The following RAB11FIP3 variants were observed in gnomAD, a reference collection of about 807,000 sequenced individuals.
The protein encoded by RAB11FIP3 is rab11 family-interacting protein 3.
In RAB11FIP3, 17 loss-of-function variants were observed where a neutral mutation model predicts 77.8. The ratio of observed to expected loss-of-function variants is 0.22; its 90% CI spans 0.15 to 0.33. RAB11FIP3 has a LOEUF of 0.33. Ranked by LOEUF, RAB11FIP3 falls within the 10% of genes least tolerant of loss-of-function variation. The pLI, the probability that RAB11FIP3 is intolerant of heterozygous loss-of-function variation, is 1.00. For missense variants in RAB11FIP3, 1,005 were observed against 1,011.2 expected (o/e 0.99, Z 0.08); for synonymous variants, 437 against 448.2 (o/e 0.98, Z 0.31).
At chr16:453,982 CCTGT>C (rs2055454221) in intron 1 of RAB11FIP3, among the ~76,000 whole-genome samples, 1 of 152,176 alleles carries the variant, frequency 6.6e-6, no homozygotes, top group Non-Finnish European at 1.5e-5. Flanking sequence ...ATTCAGCCTA[CCTGT>C]CTTTCTTCCA....
At chr16:499,795 CAA>C (rs11319631) in intron 6 of RAB11FIP3, among the ~76,000 whole-genome samples, 107 of 53,938 alleles carry the variant, frequency 2.0e-3, no homozygotes, top group Middle Eastern at 9.6e-3. Flanking sequence ...AAGACTGTCT[CAA>C]AAAAAAAAAA....
At chr16:466,491 A>G (rs1383498307) in intron 2 of RAB11FIP3, among the ~76,000 whole-genome samples, 2 of 152,154 alleles carry the variant, frequency 1.3e-5, no homozygotes, top group Non-Finnish European at 1.5e-5. Context: ...CTCTCAGCTC[A>G]GGAGTCAGGG....
At chr16:484,837 C>T (rs1303985141) in intron 4 of RAB11FIP3, among the ~76,000 whole-genome samples, 1 of 152,124 alleles carries the variant, frequency 6.6e-6, no homozygotes, top group African/African-American at 2.4e-5. Flanking sequence ...CGGCCCTAAG[C>T]AGGATGGTCA....
In RAB11FIP3 at chr16:521,614, C is replaced by T. The variant is rs1440807393; in HGVS notation, c.*775C>T. 1 of 152,496 alleles carries T rather than the reference C, an allele frequency of 6.6e-6. No individual in the cohort carries two copies. Among genetic ancestry groups the T allele is most frequent in the African/African-American group, 2.4e-5 (1 of 41,472 alleles). 9.4% of individuals were successfully genotyped at this position (152,496 alleles called of 1,614,324 possible). A position where few individuals can be genotyped will look rare whatever the true frequency, so the allele number is the denominator to read the frequency against. ...GCCGGGCAGGAGCCTCTGGGGCCTC[C>T]ACTCCGACATCAGGACCTGAGATGA... is the stretch of plus-strand genomic sequence containing the variant. On this transcript the variant is annotated 3_prime_UTR_variant, in exon 14 of 14. Transcript: ENST00000262305.
Position 426,354 on chromosome 16 carries a change from T to G in RAB11FIP3, c.348T>G (p.Leu116=), listed in dbSNP as rs1334074685. Residue 116 remains leucine (L), a synonymous_variant, in exon 1 of 14, where the codon CTT becomes CTG. Coordinates refer to ENST00000262305, the MANE Select transcript of RAB11FIP3 (RefSeq NM_014700.4). This position sits in a 1 kb window ranked among gnomAD's most constrained non-coding sequence, Gnocchi z 5.0. ...CAGGGCCGCGCTCCGAAGCGCCGCT[T>G]CCAGAACTCGACCCGTTGTTCTCCT... ...PGPGPRSEAP[L]PELDPLFSWT... is the part of the protein sequence containing the mutation. The G allele has an allele frequency of 6.6e-7, 1 of 1,525,212 alleles. No homozygotes were observed. The highest frequency in any genetic ancestry group is 1.2e-5 in the South Asian group (1 of 82,024). 94.5% of individuals were successfully genotyped at this position (1,525,212 alleles called of 1,614,324 possible).
chr16:486,525 G>A (rs2141752923), intron 4 of RAB11FIP3, among the ~76,000 whole-genome samples: 1 of 152,294 alleles, frequency 6.6e-6, no homozygotes, highest in East Asian at 1.9e-4. Context: ...CTCTTTTGGG[G>A]GACACACATT....
At chr16:467,645 G>C (rs562078453) in intron 2 of RAB11FIP3, among the ~76,000 whole-genome samples, 2 of 125,440 alleles carry the variant, frequency 1.6e-5, no homozygotes, top group Non-Finnish European at 3.4e-5. Context: ...CCTCAGGGAG[G>C]AGGTGCTGGG....
In RAB11FIP3 at chr16:510,797, C is replaced by A. The variant is rs2032106611; in HGVS notation, c.1637C>A (p.Thr546Asn). Residue 546 changes from threonine (T) to asparagine (N), a missense_variant, in exon 9 of 14, where the codon ACC becomes AAC. Transcript: ENST00000262305. ...AGCATTGAGATCGAGAACCTGCAGACCAGGTAGGCGGTTCCCAACAGCCCA... is the reference window on the plus strand; with the variant it reads ...AGCATTGAGATCGAGAACCTGCAGAACAGGTAGGCGGTTCCCAACAGCCCA... ...EKSIEIENLQ[T>N]RLQQLDEENS... 3 of 1,612,804 alleles carry A rather than the reference C, an allele frequency of 1.9e-6. No individual in the cohort carries two copies. Among genetic ancestry groups the A allele is most frequent in the Non-Finnish European group, 2.5e-6 (3 of 1,179,654 alleles).
chr16:510,855 C>T (rs962246295), intron 9 of RAB11FIP3, 55 bp downstream of exon 9: 119 of 1,519,206 alleles, frequency 7.8e-5, no homozygotes, highest in African/African-American at 7.4e-4. Flanking sequence ...AGGTAGGAGA[C>T]GGTCCCCAAC....
chr16:441,172 C>T (rs768467369), intron 1 of RAB11FIP3, among the ~76,000 whole-genome samples: 17 of 152,132 alleles, frequency 1.1e-4, no homozygotes, highest in Non-Finnish European at 2.5e-4. Context: ...GAACTTCTTA[C>T]CTCAGGTGAT....
chr16:441,905 G>C (rs1351083970), intron 1 of RAB11FIP3, among the ~76,000 whole-genome samples: 11 of 152,296 alleles, frequency 7.2e-5, no homozygotes, highest in Non-Finnish European at 1.3e-4. Context: ...GTGGCACCAT[G>C]TTGGCTCACT....
chr16:490,260 C>T (rs1312205351), intron 5 of RAB11FIP3, among the ~76,000 whole-genome samples: 3 of 152,256 alleles, frequency 2.0e-5, no homozygotes, highest in Admixed American at 6.5e-5. Flanking sequence ...GCCTTCGCGT[C>T]GCAGACGCAG....
rs777897028 is a variant in RAB11FIP3 at position 461,471 on chromosome 16, A to G, written c.782A>G (p.Gln261Arg). The G allele has an allele frequency of 7.4e-6, 12 of 1,613,772 alleles. No individual in the cohort carries two copies. Among genetic ancestry groups the G allele is most frequent in the Non-Finnish European group, 1.0e-5 (12 of 1,179,960 alleles). Residue 261 changes from glutamine (Q) to arginine (R), a missense_variant, in exon 2 of 14, where the codon CAA (glutamine) becomes CGA (arginine). Coordinates refer to ENST00000262305, the MANE Select transcript of RAB11FIP3 (RefSeq NM_014700.4). The surrounding 1 kb of genome is among the most constrained non-coding windows in gnomAD (Gnocchi z 4.5). Reference sequence around the variant, plus strand: ...GTGATCAGCTTTGAAGACTTCTACCAAGGGATCACAGCCATCAGAAACGGA... The same window carrying G: ...GTGATCAGCTTTGAAGACTTCTACCGAGGGATCACAGCCATCAGAAACGGA... ...LGVISFEDFYQGITAIRNGDP... is the reference protein window; with the variant it reads ...LGVISFEDFYRGITAIRNGDP...
chr16:497,024 A>G, intron 6 of RAB11FIP3, 165 bp downstream of exon 6: 9 of 731,512 alleles, frequency 1.2e-5, no homozygotes, highest in South Asian at 3.7e-5. Context: ...GTGTTGGGAA[A>G]GGGGTTTCCA....
chr16:463,695 C>G (rs1200307559), intron 2 of RAB11FIP3, among the ~76,000 whole-genome samples: 1 of 152,184 alleles, frequency 6.6e-6, no homozygotes, highest in Non-Finnish European at 1.5e-5. Context: ...ACCTTGGCCT[C>G]CCAAAGTGCT....
intron 1 of RAB11FIP3, among the ~76,000 whole-genome samples, chr16:435,851 A>C (rs1428716970): frequency 6.6e-6 from 1 of 152,222 alleles, no homozygotes; most frequent in Non-Finnish European, 1.5e-5. Flanking sequence ...AATATACAAA[A>C]TACATCTAAA....
intron 3 of RAB11FIP3, among the ~76,000 whole-genome samples, chr16:480,629 A>G (rs1210005790): frequency 2.0e-5 from 3 of 152,028 alleles, no homozygotes; most frequent in Non-Finnish European, 2.9e-5. Flanking sequence ...TCTCCCGAGT[A>G]GCTGGGACTA....
At position 457,130 on chromosome 16, in the gene RAB11FIP3, C is replaced by T. The variant is rs562121148; in HGVS notation, c.715-4274C>T. Among the ~76,000 whole-genome samples, 5 of 152,194 alleles carry T rather than the reference C, an allele frequency of 3.3e-5. No individual in the cohort carries two copies. The South Asian group carries it at 8.3e-4, about 25-fold the overall frequency. On this transcript the variant is annotated intron_variant, in intron 1 of 13. Transcript: ENST00000262305. ...ATAGTAACAACAAGATGCAGAAAGG[C>T]GGTTTCTCGTTCTGAAAGGTGCTTT...
At chr16:485,451 C>A (rs924958587) in intron 4 of RAB11FIP3, among the ~76,000 whole-genome samples, 1 of 152,154 alleles carries the variant, frequency 6.6e-6, no homozygotes, top group Non-Finnish European at 1.5e-5. Flanking sequence ...CTAGCTCTGT[C>A]GCCCAGGCTG....
Sources: gnomAD v4.1 joint callset for allele counts (sites outside exome capture counted in the v4.1 genomes callset) on GRCh38, gnomAD v4.1.1 for gene constraint, Gnocchi (gnomAD v3.1) non-coding constraint, MANE v1.5 for transcripts, NCBI Gene and HGNC (gene_info 2026-07-23, HGNC 2026-07-21) for gene names.